The following ABHD4 variants were observed in gnomAD, a reference collection of about 807,000 sequenced individuals.
ABHD4 encodes the protein abhydrolase domain containing 4, N-acyl phospholipase B.
Under a neutral mutation model 42.3 loss-of-function variants are expected in ABHD4, and 35 were observed. The ratio of observed to expected loss-of-function variants is 0.83; its 90% CI spans 0.63 to 1.10. The LOEUF is 1.10. ABHD4 is among the 50% of genes least tolerant of loss of function. ABHD4 has a pLI of 0.00. For synonymous variants in ABHD4, 169 were observed against 170.6 expected, an observed-to-expected ratio of 0.99 and a Z score of 0.07; for missense variants, 389 against 454.8, an observed-to-expected ratio of 0.86 and a Z score of 1.32.
chr14:22,610,989 C>T lies in ABHD4; in HGVS notation c.*41C>T. The T allele has an allele frequency of 6.4e-7, 1 of 1,559,880 alleles. No homozygotes were observed. Among genetic ancestry groups the T allele is most frequent in the Non-Finnish European group, 8.8e-7 (1 of 1,131,800 alleles). On this transcript the variant is annotated 3_prime_UTR_variant, in exon 7 of 7. Coordinates refer to ENST00000428304, the MANE Select transcript of ABHD4 (RefSeq NM_022060.3). ...GGAAGAGGAGAAAGCCAGAGAGTCA[C>T]TCTTACCTCCCTGTCTGCTTACTCA...
intron 1 of ABHD4, chr14:22,599,053 T>C (rs1170957685): frequency 1.3e-5 from 2 of 152,374 alleles, no homozygotes; most frequent in Non-Finnish European, 2.9e-5. Flanking sequence ...ACGAGAAGAA[T>C]GACTCAGCTC....
intron 5 of ABHD4, among the ~76,000 whole-genome samples, chr14:22,608,929 AC>A (rs1479318159): frequency 6.6e-6 from 1 of 151,732 alleles, no homozygotes; most frequent in African/African-American, 2.4e-5. Flanking sequence ...CGAACTCCCG[AC>A]CTCAGGTGAT....
chr14:22,602,752 T>C (rs1016159339), intron 2 of ABHD4, among the ~76,000 whole-genome samples: 2 of 152,228 alleles, frequency 1.3e-5, no homozygotes, highest in African/African-American at 4.8e-5. Flanking sequence ...ACATGGTCTG[T>C]AAATGTGATT....
At chr14:22,605,315 G>A (rs2037336839) in intron 4 of ABHD4, among the ~76,000 whole-genome samples, 2 of 152,154 alleles carry the variant, frequency 1.3e-5, no homozygotes, top group African/African-American at 2.4e-5. Context: ...GATTGGTGAT[G>A]CCTGTCTTGT....
chr14:22,607,522 G>A lies in ABHD4; in HGVS notation c.752+989G>A, dbSNP rs148309584. ...ACATTAACCTCAAACCCCAACAGCT[G>A]TTGGGCAGTGTGTGAGCTGTCTGTC... On this transcript the variant is annotated intron_variant, in intron 5 of 6. Coordinates refer to ENST00000428304, the MANE Select transcript of ABHD4 (RefSeq NM_022060.3). 2.0e-4 allele frequency among the ~76,000 whole-genome samples: 30 copies of A among 152,328 alleles called. No homozygotes were observed. In the East Asian group the frequency reaches 5.8e-3, roughly 29 times the overall value.
Position 22,610,952 on chromosome 14 carries a change from G to A in ABHD4, c.*4G>A, listed in dbSNP as rs765143624. 26 of 1,613,252 alleles carry A rather than the reference G, an allele frequency of 1.6e-5. No individual in the cohort carries two copies. In the East Asian group the frequency reaches 5.3e-4, roughly 33 times the overall value. ...GATCTGCGACTCAGTTGATTGAGCTGCTCTCTGAAGAGGAAGAGGAGAAAG... is the reference window on the plus strand; with the variant it reads ...GATCTGCGACTCAGTTGATTGAGCTACTCTCTGAAGAGGAAGAGGAGAAAG... On this transcript the variant is annotated 3_prime_UTR_variant, in exon 7 of 7. Transcript: ENST00000428304.
chr14:22,603,257 G>A, intron 2 of ABHD4, 133 bp from the exon 3 acceptor site: 2 of 1,158,416 alleles, frequency 1.7e-6, no homozygotes, highest in Non-Finnish European at 2.5e-6. Flanking sequence ...TCAGAGGGTT[G>A]TGAGAGGAAG....
At chr14:22,599,445 G>A (rs1294415656) in intron 1 of ABHD4, among the ~76,000 whole-genome samples, 2 of 152,164 alleles carry the variant, frequency 1.3e-5, no homozygotes, top group African/African-American at 4.8e-5. Context: ...AGTTGACAGA[G>A]ACCGTCCTAG....
At chr14:22,600,268 A>C (rs1288683132) in intron 1 of ABHD4, 2 of 444,916 alleles carry the variant, frequency 4.5e-6, no homozygotes, top group African/African-American at 4.0e-5. Context: ...AACAGACATA[A>C]ATGTAAAAAT....
Position 22,612,023 on chromosome 14 carries a change from C to G in ABHD4, c.*1075C>G, listed in dbSNP as rs1316628353. On this transcript the variant is annotated 3_prime_UTR_variant, in exon 7 of 7. Coordinates refer to ENST00000428304, the MANE Select transcript of ABHD4 (RefSeq NM_022060.3). ...GCTGAGGCCATCTGCAAGCCCCTGC[C>G]CATGGCCCAATGGGGAGCCTCCAGC... is the stretch of plus-strand genomic sequence containing the variant. The G allele has an allele frequency of 6.5e-6, 1 of 152,820 alleles. No individual in the cohort carries two copies. The highest frequency in any genetic ancestry group is 2.4e-5 in the African/African-American group (1 of 41,460). 9.5% of individuals were successfully genotyped at this position (152,820 alleles called of 1,614,324 possible). A position where few individuals can be genotyped will look rare whatever the true frequency, so the allele number is the denominator to read the frequency against.
At chr14:22,610,204 T>C (rs1334690271) in intron 6 of ABHD4, among the ~76,000 whole-genome samples, 1 of 152,118 alleles carries the variant, frequency 6.6e-6, no homozygotes, top group Admixed American at 6.5e-5. Context: ...ATTATTAGCA[T>C]GCGCCACCAC....
In ABHD4 at chr14:22,603,679, C is replaced by G. The variant is rs1288476940; in HGVS notation, c.402C>G (p.Thr134=). 1.2e-6 allele frequency: 2 copies of G among 1,612,626 alleles called. No individual in the cohort carries two copies. The highest frequency in any genetic ancestry group is 1.7e-6 in the Non-Finnish European group (2 of 1,179,100). Residue 134 remains threonine (T), a synonymous_variant, in exon 3 of 7, where the codon ACC becomes ACG. Coordinates refer to ENST00000428304, the MANE Select transcript of ABHD4 (RefSeq NM_022060.3). ...FVTSIETWRE[T]MGIPSMILLG... ...CATCGATAGAGACATGGCGGGAGAC[C>G]ATGGGGATCCCCAGCATGATCCTCC...
chr14:22,600,271 G>A (rs1330927242), intron 1 of ABHD4: 3 of 444,158 alleles, frequency 6.8e-6, no homozygotes, highest in African/African-American at 6.0e-5. Flanking sequence ...AGACATAAAT[G>A]TAAAAATGTG....
At chr14:22,603,090 G>A (rs1014338168) in intron 2 of ABHD4, among the ~76,000 whole-genome samples, 2 of 152,228 alleles carry the variant, frequency 1.3e-5, no homozygotes, top group Non-Finnish European at 2.9e-5. Context: ...CTTACTAACT[G>A]ATGTATGACT....
chr14:22,599,468 C>A (rs1439410657), intron 1 of ABHD4, among the ~76,000 whole-genome samples: 9 of 152,234 alleles, frequency 5.9e-5, no homozygotes, highest in Non-Finnish European at 1.3e-4. Flanking sequence ...AGGTTAAGTT[C>A]ATGGCTGAAT....
Position 22,606,519 on chromosome 14 carries a change from C to T in ABHD4, c.738C>T (p.Asn246=), listed in dbSNP as rs746883580. 6.0e-5 allele frequency: 97 copies of T among 1,611,990 alleles called. 1 individual carries two copies. The highest frequency in any genetic ancestry group is 6.7e-5 in the Non-Finnish European group (79 of 1,178,964). ...TATCAGAGTATATTTACCACTGCAA[C>T]GCACAGAATCCCAGGTGAGGGCCGC... ...DTISEYIYHC[N]AQNPSGETAF... Residue 246 remains asparagine (N), a synonymous_variant, in exon 5 of 7, where the codon AAC becomes AAT. Transcript: ENST00000428304.
rs929740645 is a variant in ABHD4 at position 22,605,911 on chromosome 14, C to T, written c.641-511C>T. On this transcript the variant is annotated intron_variant, in intron 4 of 6. Coordinates refer to ENST00000428304, the MANE Select transcript of ABHD4 (RefSeq NM_022060.3). ...GTGAAACGAACAGATTGTTGTAAAA[C>T]AGTGCCCTGAGTCTGAGACACGATT... 4.6e-6 allele frequency: 5 copies of T among 1,076,372 alleles called. No homozygotes were observed. The African/African-American group carries it at 8.1e-5, about 17-fold the overall frequency. 66.7% of individuals were successfully genotyped at this position (1,076,372 alleles called of 1,614,324 possible).
intron 4 of ABHD4, chr14:22,604,312 G>GCGATCTCGGCT: frequency 2.4e-6 from 1 of 417,936 alleles, no homozygotes; most frequent in South Asian, 3.3e-5. Context: ...GTGCAGTGGT[G>GCGATCTCGGCT]CGATCTCGGC....
chr14:22,598,455 G>A, intron 1 of ABHD4, 126 bp downstream of exon 1: 6 of 1,541,160 alleles, frequency 3.9e-6, no homozygotes, highest in Non-Finnish European at 5.2e-6. Context: ...CGGCCTCCGG[G>A]GAGGGCGGGG....
Sources: allele counts gnomAD v4.1 joint callset (sites outside exome capture counted in the v4.1 genomes callset), GRCh38; gene constraint gnomAD v4.1.1; transcripts MANE v1.5; gene names NCBI Gene and HGNC (gene_info 2026-07-23, HGNC 2026-07-21).